Variants in MCPH1 observed in about 807,000 individuals in gnomAD.
The protein encoded by MCPH1 is microcephalin 1.
A neutral mutation model predicts 84.5 loss-of-function variants in MCPH1; 104 were observed. The observed-to-expected ratio is 1.23, with a 90% CI of 1.05 to 1.45. MCPH1 has a LOEUF of 1.45. Ranked by LOEUF, MCPH1 falls within the 40% of genes most tolerant of loss-of-function variation. The pLI is 0.00. For synonymous variants in MCPH1, 514 were observed against 366.8 expected (o/e 1.40, Z -4.58); for missense variants, 1,498 against 1,005.7 (o/e 1.49, Z -6.62).
chr8:6,476,760 T>C (rs1808512288), intron 9 of MCPH1, among the ~76,000 whole-genome samples: 1 of 152,216 alleles, frequency 6.6e-6, no homozygotes, highest in Admixed American at 6.5e-5. Flanking sequence ...TTTCAAGACA[T>C]ATTGGTTATA....
intron 2 of MCPH1, among the ~76,000 whole-genome samples, chr8:6,413,682 C>G (rs1798846447): frequency 6.6e-6 from 1 of 151,004 alleles, no homozygotes; most frequent in African/African-American, 2.4e-5. Flanking sequence ...GTCATCTTTT[C>G]TTAATTTCCA....
intron 12 of MCPH1, among the ~76,000 whole-genome samples, chr8:6,556,003 C>G (rs572615418): frequency 6.6e-6 from 1 of 152,178 alleles, no homozygotes; most frequent in African/African-American, 2.4e-5. Flanking sequence ...TCTGTCAAGT[C>G]TGCTGTGGGG....
intron 13 of MCPH1, among the ~76,000 whole-genome samples, chr8:6,627,619 G>A (rs539563012): frequency 6.6e-5 from 10 of 152,314 alleles, no homozygotes; most frequent in East Asian, 1.9e-4. Context: ...AGCCAGGTGC[G>A]GTGGCCCATG....
At chr8:6,548,380 T>C (rs1481589186) in intron 12 of MCPH1, among the ~76,000 whole-genome samples, 1 of 152,124 alleles carries the variant, frequency 6.6e-6, no homozygotes, top group African/African-American at 2.4e-5. Flanking sequence ...GCCTAGGAAA[T>C]TTCCCGAAAA....
At chr8:6,525,676 G>C (rs1818198961) in intron 12 of MCPH1, among the ~76,000 whole-genome samples, 1 of 152,132 alleles carries the variant, frequency 6.6e-6, no homozygotes, top group African/African-American at 2.4e-5. Flanking sequence ...CAGAATTAAG[G>C]TAGAAAACAC....
At chr8:6,501,373 C>G (rs1339788408) in intron 12 of MCPH1, 1 of 152,116 alleles carries the variant, frequency 6.6e-6, no homozygotes, top group Non-Finnish European at 1.5e-5. Flanking sequence ...GGACTCTGAA[C>G]TTCCTTGCAA....
chr8:6,431,618 A>T, intron 4 of MCPH1, 32 bp downstream of exon 4: 1 of 1,367,582 alleles, frequency 7.3e-7, no homozygotes, highest in Non-Finnish European at 1.0e-6. Context: ...AGATAATGGC[A>T]ATTAGGAATT....
In MCPH1 at chr8:6,646,776, C is replaced by G. The variant is rs1798235943; in HGVS notation, c.*3727C>G. 1 of 152,174 alleles carries G rather than the reference C, an allele frequency of 6.6e-6. No homozygotes were observed. The highest frequency in any genetic ancestry group is 1.9e-4 in the East Asian group (1 of 5,194). The allele number at this position is 152,174 out of a possible 1,614,324, so 9.4% of individuals were successfully genotyped here. ...CACCTAGTTTTGACAATCTCTGTCT[C>G]CAGATATTCCCAAATGTGCCCTGGA... On this transcript the variant is annotated 3_prime_UTR_variant, in exon 14 of 14. Coordinates refer to ENST00000344683, the MANE Select transcript of MCPH1 (RefSeq NM_024596.5).
intron 3 of MCPH1, among the ~76,000 whole-genome samples, chr8:6,427,605 C>G (rs1378283595): frequency 1.3e-5 from 2 of 151,998 alleles, no homozygotes; most frequent in Non-Finnish European, 2.9e-5. Flanking sequence ...GTCTCCAACT[C>G]CTGACCTCAA....
At position 6,409,208 on chromosome 8, in the gene MCPH1, A is replaced by G. The variant is rs1393676355; in HGVS notation, c.23-71A>G. 5.4e-6 allele frequency: 7 copies of G among 1,307,108 alleles called. No homozygotes were observed. The East Asian group carries it at 9.2e-5, about 17-fold the overall frequency. 81.0% of individuals were successfully genotyped at this position (1,307,108 alleles called of 1,614,324 possible). ...CCTCGGTTTACTCTTAAATGTAAATAGAACAAAATCTATTGGGCAGGGGAT... is the reference window on the plus strand; with the variant it reads ...CCTCGGTTTACTCTTAAATGTAAATGGAACAAAATCTATTGGGCAGGGGAT... On this transcript the variant is annotated intron_variant, in intron 1 of 13. Coordinates refer to ENST00000344683, the MANE Select transcript of MCPH1 (RefSeq NM_024596.5).
At chr8:6,473,507 A>G (rs749075361) in intron 9 of MCPH1, among the ~76,000 whole-genome samples, 4 of 151,438 alleles carry the variant, frequency 2.6e-5, no homozygotes, top group Non-Finnish European at 2.9e-5. Context: ...AATTTTTTGT[A>G]TTTTTAGTAG....
Position 6,424,634 on chromosome 8 carries a change from G to A in MCPH1, c.234-6865G>A, listed in dbSNP as rs577445988. ...AACGTCCCTCAGTTTGGAACGGTCT[G>A]ATGTGTCCTCCTAATATCACATCAA... is the stretch of plus-strand genomic sequence containing the variant. On this transcript the variant is annotated intron_variant, in intron 3 of 13. Coordinates refer to ENST00000344683, the MANE Select transcript of MCPH1 (RefSeq NM_024596.5). Among the ~76,000 whole-genome samples the A allele has an allele frequency of 1.1e-4, 16 of 152,350 alleles. No individual in the cohort carries two copies. In the South Asian group the frequency reaches 3.1e-3, roughly 30 times the overall value.
At chr8:6,469,725 C>T (rs142216501) in intron 9 of MCPH1, among the ~76,000 whole-genome samples, 96 of 152,288 alleles carry the variant, frequency 6.3e-4, no homozygotes, top group African/African-American at 2.2e-3. Context: ...TTCTATTTAT[C>T]ACTAATAAAA....
intron 9 of MCPH1, among the ~76,000 whole-genome samples, chr8:6,475,179 G>C (rs1186785836): frequency 2.0e-5 from 3 of 152,210 alleles, no homozygotes; most frequent in Non-Finnish European, 4.4e-5. Context: ...GACAATAGCT[G>C]CTTTGAAAGT....
intron 12 of MCPH1, among the ~76,000 whole-genome samples, chr8:6,568,458 A>C (rs1482849200): frequency 6.6e-6 from 1 of 152,154 alleles, no homozygotes; most frequent in Non-Finnish European, 1.5e-5. Flanking sequence ...GCCAAACAGA[A>C]TTTGCTTGTG....
chr8:6,466,597 A>G (rs1193793712), intron 9 of MCPH1, among the ~76,000 whole-genome samples: 2 of 151,296 alleles, frequency 1.3e-5, no homozygotes, highest in East Asian at 3.9e-4. Context: ...ATGAGCCACC[A>G]CGCGCAGCCC....
rs941673150 is a variant in MCPH1, at chr8:6,409,707, A to G, written c.114+337A>G. ...ATTGTAAATTTGGGCATACTGAAAAATATCTGTTAGATATTTGGATATACA... is the reference window on the plus strand; with the variant it reads ...ATTGTAAATTTGGGCATACTGAAAAGTATCTGTTAGATATTTGGATATACA... On this transcript the variant is annotated intron_variant, in intron 2 of 13. Transcript: ENST00000344683. Among the ~76,000 whole-genome samples the G allele has an allele frequency of 7.4e-5, 11 of 147,856 alleles. 1 individual carries two copies. In the South Asian group the frequency reaches 1.7e-3, roughly 23 times the overall value.
At chr8:6,630,162 T>C (rs1377525979) in intron 13 of MCPH1, among the ~76,000 whole-genome samples, 1 of 152,074 alleles carries the variant, frequency 6.6e-6, no homozygotes, top group Non-Finnish European at 1.5e-5. Context: ...GTTAGCAAAA[T>C]GGCAGCAAGG....
intron 6 of MCPH1, among the ~76,000 whole-genome samples, chr8:6,439,490 T>C (rs1803185615): frequency 6.6e-6 from 1 of 151,884 alleles, no homozygotes; most frequent in Admixed American, 6.6e-5. Flanking sequence ...GTTCAAGTGA[T>C]TCTACTGCCT....
Sources: allele counts gnomAD v4.1 joint callset (sites outside exome capture counted in the v4.1 genomes callset), GRCh38; gene constraint gnomAD v4.1.1; transcripts MANE v1.5; gene names NCBI Gene and HGNC (gene_info 2026-07-23, HGNC 2026-07-21).